The following MYOM1 variants were observed in gnomAD, a reference collection of about 807,000 sequenced individuals.
MYOM1 encodes myomesin-1.
In MYOM1, 164 loss-of-function variants were observed where a neutral mutation model predicts 205.3. That is an observed-to-expected ratio of 0.80 (90% CI 0.70 to 0.91). MYOM1 has a LOEUF of 0.91. Ranked by LOEUF, MYOM1 falls within the 40% of genes least tolerant of loss-of-function variation. The pLI, the probability that MYOM1 is intolerant of heterozygous loss-of-function variation, is 0.00. For missense variants in MYOM1, 2,011 were observed against 2,127.3 expected (o/e 0.95, Z 1.08); for synonymous variants, 772 against 789.4 (o/e 0.98, Z 0.37).
At position 3,187,515 on chromosome 18, in the gene MYOM1, G is replaced by A; in HGVS notation, c.894C>T (p.Cys298=). 1 of 1,613,952 alleles carries A rather than the reference G, an allele frequency of 6.2e-7. No individual in the cohort carries two copies. Among genetic ancestry groups the A allele is most frequent in the Non-Finnish European group, 8.5e-7 (1 of 1,179,862 alleles). The change falls in exon 5 of 38, where the codon TGC becomes TGT. Residue 298 remains cysteine, a synonymous_variant. Transcript: ENST00000356443. ...VWEKENVKLH[C]SIAGWPEPRV... ...GAGGTTCTGGCCAGCCTGCTATGGA[G>A]CAATGCAATTTTACATTCTCCTTCT...
At chr18:3,098,880 T>C (rs1233633571) in intron 25 of MYOM1, among the ~76,000 whole-genome samples, 1 of 152,218 alleles carries the variant, frequency 6.6e-6, no homozygotes, top group African/African-American at 2.4e-5. Context: ...GGTTCTTCCC[T>C]AGAATTTAGA....
Position 3,215,193 on chromosome 18 carries a change from G to A in MYOM1, c.31C>T (p.Gln11Ter). The change falls in exon 2 of 38, where the codon CAG becomes TAG. Residue 11 changes from glutamine (Q) to a stop codon, truncating the protein, a stop_gained. Coordinates refer to ENST00000356443, the MANE Select transcript of MYOM1 (RefSeq NM_003803.4). LOFTEE classifies it high-confidence loss of function. Reference protein sequence around the residue: MSLPFYQRCHQHYDLSYRNKD... With the variant: MSLPFYQRCH ...TTGCGGTAGCTGAGATCATAGTGCT[G>A]GTGGCACCTCTGATAAAAAGGCAAA... is the stretch of plus-strand genomic sequence containing the variant. The A allele has an allele frequency of 6.2e-7, 1 of 1,612,742 alleles. No individual in the cohort carries two copies. Among genetic ancestry groups the A allele is most frequent in the Non-Finnish European group, 8.5e-7 (1 of 1,179,374 alleles).
At chr18:3,180,590 C>T (rs1325303813) in intron 5 of MYOM1, among the ~76,000 whole-genome samples, 1 of 152,128 alleles carries the variant, frequency 6.6e-6, no homozygotes, top group Admixed American at 6.5e-5. Flanking sequence ...GAGTAGTCAT[C>T]GGCTAATTTT....
chr18:3,106,601 T>C (rs1187708733), intron 22 of MYOM1, among the ~76,000 whole-genome samples: 1 of 152,080 alleles, frequency 6.6e-6, no homozygotes, highest in East Asian at 1.9e-4. Flanking sequence ...AAAGTAGGAT[T>C]GCTTGAGCCC....
chr18:3,212,010 C>A (rs1367081940), intron 2 of MYOM1, among the ~76,000 whole-genome samples: 1 of 152,192 alleles, frequency 6.6e-6, no homozygotes, highest in African/African-American at 2.4e-5. Context: ...AGCTAAAATA[C>A]AACCTAAAGG....
intron 19 of MYOM1, 71 bp downstream of exon 19, chr18:3,126,630 G>T: frequency 7.2e-7 from 1 of 1,397,322 alleles, no homozygotes; most frequent in Non-Finnish European, 9.8e-7. Context: ...TGCTGGGTGT[G>T]TGCCTGCCTG....
intron 22 of MYOM1, 69 bp downstream of exon 22, chr18:3,112,229 G>A: frequency 7.6e-7 from 1 of 1,310,076 alleles, no homozygotes; most frequent in Non-Finnish European, 1.1e-6. Context: ...GGAAAGCACA[G>A]AAAGGCCGAA....
chr18:3,091,450 G>A (rs1263127483), intron 26 of MYOM1, among the ~76,000 whole-genome samples: 2 of 151,710 alleles, frequency 1.3e-5, no homozygotes, highest in Admixed American at 6.6e-5. Flanking sequence ...CTGCACTCCA[G>A]CCTGAGCAAC....
In MYOM1 at chr18:3,135,295, C is replaced by T; in HGVS notation, c.2209+252G>A. ...AAAAAATTTTAAAACAGTTAGGGAG[C>T]ATGGATAAACTAAATGTCCATGAAC... On this transcript the variant is annotated intron_variant, in intron 15 of 37. Transcript: ENST00000356443. The surrounding 1 kb of genome is among the most constrained non-coding windows in gnomAD (Gnocchi z 4.1). The T allele has an allele frequency of 2.5e-6, 1 of 394,212 alleles. No individual in the cohort carries two copies. 24.4% of individuals were successfully genotyped at this position (394,212 alleles called of 1,614,324 possible).
intron 37 of MYOM1, 75 bp downstream of exon 37, chr18:3,071,759 G>A (rs753268904): frequency 1.4e-6 from 2 of 1,452,426 alleles, no homozygotes; most frequent in Non-Finnish European, 1.9e-6. Flanking sequence ...TGCCTTAAAA[G>A]AAGGAACAAA....
At chr18:3,106,513 T>C (rs2079453646) in intron 22 of MYOM1, among the ~76,000 whole-genome samples, 1 of 152,204 alleles carries the variant, frequency 6.6e-6, no homozygotes, top group Non-Finnish European at 1.5e-5. Flanking sequence ...AAGTCTTACA[T>C]TAAAAATTGT....
chr18:3,140,808 A>T (rs2080036935), intron 14 of MYOM1, among the ~76,000 whole-genome samples: 1 of 152,224 alleles, frequency 6.6e-6, no homozygotes, highest in Admixed American at 6.5e-5. Context: ...TTATAAAAAA[A>T]AATTCTACGA....
intron 14 of MYOM1, among the ~76,000 whole-genome samples, chr18:3,137,754 G>A (rs752673345): frequency 2.6e-5 from 4 of 151,950 alleles, no homozygotes; most frequent in Non-Finnish European, 4.4e-5. Context: ...AGCACAGTAG[G>A]GTGACTATAG....
intron 14 of MYOM1, among the ~76,000 whole-genome samples, chr18:3,136,067 G>C (rs1208378985): frequency 6.6e-6 from 1 of 152,076 alleles, no homozygotes; most frequent in Non-Finnish European, 1.5e-5. Context: ...TAGTGAGTAA[G>C]TCTCATGAGA....
In MYOM1 at chr18:3,072,350, C is replaced by CTTTTTTTTTTTTTTTTTTTT. The variant is rs78331937; in HGVS notation, c.4709-481_4709-462dup. ...AGCAGGCGTGAGCCACCGCACCCGGCTTTTTTTTTTTTTTTTTTTTTGAGG... is the reference window on the plus strand; with the variant it reads ...AGCAGGCGTGAGCCACCGCACCCGGCTTTTTTTTTTTTTTTTTTTTTTTTTTTTTTTTTTTTTTTTTGAGG... On this transcript the variant is annotated intron_variant, in intron 36 of 37. Coordinates refer to ENST00000356443, the MANE Select transcript of MYOM1 (RefSeq NM_003803.4). Among the ~76,000 whole-genome samples, 32 of 56,212 alleles carry CTTTTTTTTTTTTTTTTTTTT rather than the reference C, an allele frequency of 5.7e-4. 11 individuals are homozygous for CTTTTTTTTTTTTTTTTTTTT. Among genetic ancestry groups the CTTTTTTTTTTTTTTTTTTTT allele is most frequent in the African/African-American group, 2.6e-3 (28 of 10,710 alleles). 36.9% of individuals were successfully genotyped at this position (56,212 alleles called of 152,430 possible). A position where few individuals can be genotyped will look rare whatever the true frequency, so the allele number is the denominator to read the frequency against.
chr18:3,110,409 C>T (rs1246540511), intron 22 of MYOM1, among the ~76,000 whole-genome samples: 1 of 152,178 alleles, frequency 6.6e-6, no homozygotes, highest in Non-Finnish European at 1.5e-5. Flanking sequence ...GACATTTCTT[C>T]CCCAGCTCAC....
At chr18:3,071,382 G>A (rs2078957278) in intron 37 of MYOM1, among the ~76,000 whole-genome samples, 2 of 147,562 alleles carry the variant, frequency 1.4e-5, no homozygotes, top group South Asian at 4.5e-4. Flanking sequence ...TTTTTGAGAT[G>A]GAGTCTCACT....
At position 3,083,424 on chromosome 18, in the gene MYOM1, TTTC is replaced by T. The variant is rs1398659186; in HGVS notation, c.4484+362_4484+364del. Among the ~76,000 whole-genome samples, 81 of 85,046 alleles carry T rather than the reference TTTC, an allele frequency of 9.5e-4. No homozygotes were observed. The East Asian group carries it at 0.012, about 13-fold the overall frequency. 55.8% of individuals were successfully genotyped at this position (85,046 alleles called of 152,430 possible). On this transcript the variant is annotated intron_variant, in intron 33 of 37. Transcript: ENST00000356443. ...CTTTCTTTTCTTTTTTCTTTTTCTTTTTCTTTTTTTTTTTTTTTTTTTGAGACA... is the reference window on the plus strand; with the variant it reads ...CTTTCTTTTCTTTTTTCTTTTTCTTTTTTTTTTTTTTTTTTTTTTGAGACA...
At chr18:3,070,188 C>G (rs146004245) in intron 37 of MYOM1, among the ~76,000 whole-genome samples, 2 of 152,218 alleles carry the variant, frequency 1.3e-5, no homozygotes, top group East Asian at 3.9e-4. Flanking sequence ...ACTGTGTTGT[C>G]CAGGCTGAAG....
Sources: gnomAD v4.1 joint callset for allele counts (sites outside exome capture counted in the v4.1 genomes callset) on GRCh38, gnomAD v4.1.1 for gene constraint, Gnocchi (gnomAD v3.1) non-coding constraint, MANE v1.5 for transcripts, NCBI Gene and HGNC (gene_info 2026-07-23, HGNC 2026-07-21) for gene names.